Variants in VWA5B1 observed in about 807,000 individuals in gnomAD.
VWA5B1 encodes the protein von Willebrand factor A domain containing 5B1, also known as von Willebrand factor A domain-containing protein 5B1.
Under a neutral mutation model 118.2 loss-of-function variants are expected in VWA5B1, and 115 were observed. The observed-to-expected ratio is 0.97, with a 90% CI of 0.84 to 1.14. VWA5B1 has a LOEUF of 1.14. Among genes scored for constraint, VWA5B1 ranks in the 50% most tolerant of loss-of-function variants. The probability of loss-of-function intolerance (pLI) is 0.00; values close to 1 mark genes in which losing one functional copy is unlikely to be tolerated. For synonymous variants in VWA5B1, 682 were observed against 658.4 expected (o/e 1.04, Z -0.55); for missense variants, 1,596 against 1,603.8 (o/e 1.00, Z 0.08).
intron 1 of VWA5B1, among the ~76,000 whole-genome samples, chr1:20,298,051 C>G (rs1265135020): frequency 7.1e-6 from 1 of 140,276 alleles, no homozygotes; most frequent in African/African-American, 2.7e-5. Flanking sequence ...TGCTCTGTCT[C>G]CCAGGCTGGA....
intron 11 of VWA5B1, among the ~76,000 whole-genome samples, chr1:20,331,595 A>C (rs1265732335): frequency 6.6e-6 from 1 of 152,170 alleles, no homozygotes; most frequent in Non-Finnish European, 1.5e-5. Context: ...AGAGAGCCTC[A>C]AACTGTGATG....
intron 13 of VWA5B1, among the ~76,000 whole-genome samples, 165 bp from the exon 14 acceptor site, chr1:20,337,481 G>A (rs2089750517): frequency 6.6e-6 from 1 of 152,098 alleles, no homozygotes; most frequent in Non-Finnish European, 1.5e-5. Flanking sequence ...AGCTAGACTA[G>A]GGCCAGATCC....
chr1:20,327,835 G>A, intron 8 of VWA5B1, 55 bp from the exon 9 acceptor site: 1 of 1,427,698 alleles, frequency 7.0e-7, no homozygotes, highest in Non-Finnish European at 9.7e-7. Flanking sequence ...GAGTGCAGTG[G>A]CCGAGTGACA....
At chr1:20,337,951 G>C (rs2089768491) in intron 14 of VWA5B1, 115 bp downstream of exon 14, 2 of 1,318,798 alleles carry the variant, frequency 1.5e-6, no homozygotes, top group Non-Finnish European at 2.1e-6. Context: ...TGCCAAGTGA[G>C]TCACTCCCTC....
At chr1:20,294,998 A>G (rs1026105127) in intron 1 of VWA5B1, among the ~76,000 whole-genome samples, 2 of 152,206 alleles carry the variant, frequency 1.3e-5, no homozygotes, top group African/African-American at 2.4e-5. Flanking sequence ...AAGAGAACTT[A>G]AGACCGCTCC....
chr1:20,291,359 T>TTCTCTCTCTCTCTCTC (rs67596546), intron 1 of VWA5B1, among the ~76,000 whole-genome samples: 47 of 103,406 alleles, frequency 4.5e-4, no homozygotes, highest in African/African-American at 1.3e-3. Flanking sequence ...CTTTCTTTCT[T>TTCTCTCTCTCTCTCTC]TCTCTCTCTC....
chr1:20,293,277 G>T (rs1337721788), intron 1 of VWA5B1, among the ~76,000 whole-genome samples: 1 of 108,222 alleles, frequency 9.2e-6, no homozygotes, highest in Non-Finnish European at 1.8e-5. Context: ...GCTCTGCTCC[G>T]AGCCAGCACC....
At position 20,314,534 on chromosome 1, in the gene VWA5B1, C is replaced by G. The variant is rs1030196748; in HGVS notation, c.505C>G (p.Pro169Ala). The G allele has an allele frequency of 1.3e-6, 2 of 1,551,598 alleles. No homozygotes were observed. The highest frequency in any genetic ancestry group is 2.7e-5 in the African/African-American group (2 of 73,046). Residue 169 changes from proline to alanine, a missense_variant, in exon 4 of 22, where the codon CCA (proline) becomes GCA (alanine). Physicochemically the swap from Pro to Ala is conservative, Grantham distance 27. Transcript: ENST00000289815. ...GGTCCTTCTGCCTGCTGTCTGTGCC[C>G]CAACCGTGCCCCAGTTCTGCACCAA... is the stretch of plus-strand genomic sequence containing the variant. ...VRVLLPAVCA[P>A]TVPQFCTKST...
chr1:20,342,878 C>T (rs1018135205), intron 15 of VWA5B1, among the ~76,000 whole-genome samples: 4 of 152,190 alleles, frequency 2.6e-5, no homozygotes, highest in Non-Finnish European at 5.9e-5. Context: ...TCCTGGGAGG[C>T]GGATCTGTCC....
intron 1 of VWA5B1, among the ~76,000 whole-genome samples, chr1:20,307,395 A>T (rs554305859): frequency 2.6e-4 from 39 of 152,310 alleles, no homozygotes; most frequent in Middle Eastern, 3.4e-3. Context: ...GGCCCCTCCC[A>T]GGAGAAAGTC....
intron 6 of VWA5B1, among the ~76,000 whole-genome samples, 190 bp downstream of exon 6, chr1:20,318,911 C>A (rs2089117320): frequency 6.6e-6 from 1 of 152,094 alleles, no homozygotes; most frequent in Non-Finnish European, 1.5e-5. Flanking sequence ...CTGGTGGAAT[C>A]GAGTGTCTCC....
At chr1:20,291,682 T>C (rs55947850) in intron 1 of VWA5B1, among the ~76,000 whole-genome samples, 29,123 of 152,048 alleles carry the variant, frequency 0.19, 3,325 homozygotes, top group African/African-American at 0.31. Context: ...GGCTCATGCC[T>C]GCTGCCCTTC....
At chr1:20,307,305 G>A (rs1268411918) in intron 1 of VWA5B1, among the ~76,000 whole-genome samples, 2 of 152,294 alleles carry the variant, frequency 1.3e-5, no homozygotes, top group East Asian at 3.9e-4. Flanking sequence ...GGCCCAGGTT[G>A]GGACAGAGCT....
intron 16 of VWA5B1, among the ~76,000 whole-genome samples, chr1:20,343,911 A>T (rs72982073): frequency 0.043 from 3,524 of 81,618 alleles, 304 homozygotes; most frequent in African/African-American, 0.18. Context: ...GCCTGGGCTC[A>T]TTCCCTACCC....
At chr1:20,319,610 C>T in intron 7 of VWA5B1, 104 bp downstream of exon 7, 1 of 1,476,780 alleles carries the variant, frequency 6.8e-7, no homozygotes, top group Admixed American at 2.1e-5. Context: ...TGCCCGAGGT[C>T]ATCCAGCAAG....
At chr1:20,345,662 T>G in intron 17 of VWA5B1, 69 bp downstream of exon 17, 1 of 1,469,324 alleles carries the variant, frequency 6.8e-7, no homozygotes, top group Non-Finnish European at 9.0e-7. Flanking sequence ...GGGAGGGGGC[T>G]GAGATACAAA....
chr1:20,334,471 T>C lies in VWA5B1; in HGVS notation c.1758+1520T>C, dbSNP rs368741946. 2.6e-5 allele frequency among the ~76,000 whole-genome samples: 4 copies of C among 152,186 alleles called. No individual in the cohort carries two copies. In the East Asian group the frequency reaches 7.7e-4, roughly 29 times the overall value. The stretch of plus-strand genomic sequence containing the variant: ...CCTTCACATATTGTTGGTGTAAATA[T>C]AACTTGCCGCAGCCCTCCTGGGAAG... On this transcript the variant is annotated intron_variant, in intron 12 of 21. Transcript: ENST00000289815.
At chr1:20,352,412 C>T (rs1028297592) in intron 21 of VWA5B1, among the ~76,000 whole-genome samples, 1 of 152,186 alleles carries the variant, frequency 6.6e-6, no homozygotes, top group Non-Finnish European at 1.5e-5. Flanking sequence ...GAAGCCAGCA[C>T]CAGCATCACG....
At chr1:20,348,456 T>G in intron 18 of VWA5B1, 98 bp downstream of exon 18, 1 of 1,256,530 alleles carries the variant, frequency 8.0e-7, no homozygotes. Context: ...CTAGGACCAC[T>G]CTCTGAGTCT....
Sources: gnomAD v4.1 joint callset for allele counts (sites outside exome capture counted in the v4.1 genomes callset) on GRCh38, gnomAD v4.1.1 for gene constraint, MANE v1.5 for transcripts, NCBI Gene and HGNC (gene_info 2026-07-23, HGNC 2026-07-21) for gene names.